The following PACRG variants were observed in gnomAD, a reference collection of about 807,000 sequenced individuals.
PACRG encodes the protein parkin coregulated, also known as parkin coregulated gene protein.
Under a neutral mutation model 29.7 loss-of-function variants are expected in PACRG, and 29 were observed. The observed-to-expected ratio is 0.98, with a 90% CI of 0.73 to 1.33. The LOEUF is 1.33. Ranked by LOEUF, PACRG falls within the 40% of genes most tolerant of loss-of-function variation. The pLI is 0.00. For synonymous variants in PACRG, 116 were observed against 118.7 expected, an observed-to-expected ratio of 0.98 and a Z score of 0.15; for missense variants, 279 against 316.2, an observed-to-expected ratio of 0.88 and a Z score of 0.89.
At chr6:162,731,178 A>C (rs971349392) in intron 1 of PACRG, among the ~76,000 whole-genome samples, 1 of 152,156 alleles carries the variant, frequency 6.6e-6, no homozygotes, top group African/African-American at 2.4e-5. Flanking sequence ...TGAAACCTGA[A>C]GTGGTCCAAA....
intron 2 of PACRG, among the ~76,000 whole-genome samples, chr6:162,855,647 T>C (rs1219015209): frequency 6.6e-6 from 1 of 152,056 alleles, no homozygotes; most frequent in African/African-American, 2.4e-5. Flanking sequence ...TCCTGTCAAT[T>C]TGAATGTAAC....
intron 2 of PACRG, among the ~76,000 whole-genome samples, chr6:162,868,317 C>G (rs1340397418): frequency 6.6e-6 from 1 of 152,200 alleles, no homozygotes; most frequent in Non-Finnish European, 1.5e-5. Context: ...GACCATCAGA[C>G]TTTTTTGACC....
intron 2 of PACRG, among the ~76,000 whole-genome samples, chr6:163,028,629 C>T (rs900982132): frequency 7.2e-5 from 11 of 152,034 alleles, no homozygotes; most frequent in South Asian, 2.1e-4. Flanking sequence ...TTTAAATATT[C>T]GTTTTTTCAT....
intron 2 of PACRG, among the ~76,000 whole-genome samples, chr6:162,838,134 T>C (rs1789401391): frequency 6.6e-6 from 1 of 152,206 alleles, no homozygotes; most frequent in Non-Finnish European, 1.5e-5. Context: ...ACATATCATT[T>C]TATATTCAAC....
chr6:162,779,883 A>T (rs1190466668), intron 1 of PACRG, among the ~76,000 whole-genome samples: 2 of 152,180 alleles, frequency 1.3e-5, no homozygotes, highest in Non-Finnish European at 2.9e-5. Context: ...TCCTCAAGAG[A>T]TGGGAAACAG....
chr6:163,145,253 A>T (rs1777749263), intron 4 of PACRG, among the ~76,000 whole-genome samples: 1 of 152,200 alleles, frequency 6.6e-6, no homozygotes, highest in African/African-American at 2.4e-5. Flanking sequence ...GAGGTTGTAT[A>T]TTTCTTTTCA....
intron 2 of PACRG, 58 bp downstream of exon 2, chr6:162,814,339 T>C (rs1787144983): frequency 1.9e-6 from 3 of 1,586,130 alleles, no homozygotes; most frequent in Non-Finnish European, 1.7e-6. Flanking sequence ...CATCTCCCAA[T>C]GCCAAACACA....
intron 4 of PACRG, among the ~76,000 whole-genome samples, chr6:163,150,564 C>G (rs568764935): frequency 3.3e-5 from 5 of 151,524 alleles, no homozygotes; most frequent in African/African-American, 1.2e-4. Flanking sequence ...AAAGTCAATT[C>G]AATACCACCT....
At chr6:162,744,252 AAATGCAGAT>A (rs1275634010) in intron 1 of PACRG, among the ~76,000 whole-genome samples, 1 of 152,198 alleles carries the variant, frequency 6.6e-6, no homozygotes, top group East Asian at 1.9e-4. Context: ...CTGGATCATT[AAATGCAGAT>A]CATTTGTTTC....
At chr6:163,284,357 C>G (rs1209341497) in intron 4 of PACRG, among the ~76,000 whole-genome samples, 2 of 152,158 alleles carry the variant, frequency 1.3e-5, no homozygotes, top group Non-Finnish European at 2.9e-5. Context: ...GGGGAGTCAT[C>G]TTCCGTTCCA....
intron 4 of PACRG, among the ~76,000 whole-genome samples, chr6:163,133,160 A>G (rs1319524270): frequency 1.3e-5 from 2 of 152,194 alleles, no homozygotes; most frequent in Non-Finnish European, 2.9e-5. Flanking sequence ...ATGTGGCCTC[A>G]TGATTCTAGT....
chr6:163,005,866 T>C (rs1805027301), intron 2 of PACRG, among the ~76,000 whole-genome samples: 1 of 137,876 alleles, frequency 7.3e-6, no homozygotes. Flanking sequence ...ATATACAACA[T>C]AGTTATACGT....
intron 2 of PACRG, among the ~76,000 whole-genome samples, chr6:162,949,518 C>G (rs1799493626): frequency 6.6e-6 from 1 of 152,132 alleles, no homozygotes; most frequent in Non-Finnish European, 1.5e-5. Flanking sequence ...GAAATACTCT[C>G]AACTCATAGA....
At chr6:163,165,900 T>C (rs1778782206) in intron 4 of PACRG, 6 of 357,282 alleles carry the variant, frequency 1.7e-5, no homozygotes, top group South Asian at 1.3e-4. Flanking sequence ...AAGGGCTTCA[T>C]TGCATCTAAG....
intron 4 of PACRG, among the ~76,000 whole-genome samples, chr6:163,263,226 C>T (rs1252646526): frequency 6.6e-6 from 1 of 151,394 alleles, no homozygotes; most frequent in Non-Finnish European, 1.5e-5. Context: ...AGAACCCTTC[C>T]CTTCCCATCC....
intron 2 of PACRG, among the ~76,000 whole-genome samples, chr6:162,902,457 T>C (rs922742203): frequency 6.6e-6 from 1 of 152,254 alleles, no homozygotes. Context: ...CATAACATTC[T>C]ACATTATATT....
intron 2 of PACRG, among the ~76,000 whole-genome samples, chr6:162,903,480 C>T (rs1795703719): frequency 6.6e-6 from 1 of 152,208 alleles, no homozygotes; most frequent in Middle Eastern, 3.4e-3. Context: ...ACAATCATGG[C>T]AGAAGGTGAA....
chr6:163,140,955 A>C (rs1007673215), intron 4 of PACRG, among the ~76,000 whole-genome samples: 1 of 152,226 alleles, frequency 6.6e-6, no homozygotes, highest in African/African-American at 2.4e-5. Flanking sequence ...ATGAGCTGAA[A>C]GCTGCTCTTC....
At chr6:163,154,618 C>T (rs1778237548) in intron 4 of PACRG, among the ~76,000 whole-genome samples, 1 of 152,036 alleles carries the variant, frequency 6.6e-6, no homozygotes, top group Non-Finnish European at 1.5e-5. Context: ...TGTAGGACTG[C>T]CAGATTCACA....
Sources: gnomAD v4.1 joint callset for allele counts (sites outside exome capture counted in the v4.1 genomes callset) on GRCh38, gnomAD v4.1.1 for gene constraint, MANE v1.5 for transcripts, NCBI Gene and HGNC (gene_info 2026-07-23, HGNC 2026-07-21) for gene names.